EIF4G3: variants seen among roughly 807,000 people sequenced by gnomAD.
EIF4G3 encodes eukaryotic translation initiation factor 4 gamma 3, also known as eIF-4-gamma 3.
Under a neutral mutation model 186.4 loss-of-function variants are expected in EIF4G3, and 34 were observed. The ratio of observed to expected loss-of-function variants is 0.18; its 90% CI spans 0.14 to 0.24. EIF4G3 has a LOEUF of 0.24. Ranked by LOEUF, EIF4G3 falls within the 10% of genes least tolerant of loss-of-function variation. EIF4G3 has a pLI of 1.00. For synonymous variants in EIF4G3, 673 were observed against 679.5 expected (o/e 0.99, Z 0.15); for missense variants, 1,536 against 1,948.5 (o/e 0.79, Z 3.99).
At chr1:20,915,492 G>A (rs796736802) in intron 14 of EIF4G3, among the ~76,000 whole-genome samples, 7 of 150,664 alleles carry the variant, frequency 4.6e-5, no homozygotes, top group African/African-American at 1.7e-4. Context: ...TAAAATTTTA[G>A]CAAGTAAAAT....
Position 20,941,821 on chromosome 1 carries a change from T to A in EIF4G3, c.1333A>T (p.Ile445Phe). Reference sequence around the variant, plus strand: ...ATTTCTTCTGGGGGATTTTCGAGAATCTCCAATTCAAGAGTCAATGGCAAT... The same window carrying A: ...ATTTCTTCTGGGGGATTTTCGAGAAACTCCAATTCAAGAGTCAATGGCAAT... Reference protein sequence around the residue: ...EVLPLTLELEILENPPEEMKL... With the variant: ...EVLPLTLELEFLENPPEEMKL... Residue 445 changes from isoleucine (I) to phenylalanine (F), a missense_variant, in exon 14 of 37, where the codon ATT becomes TTT. Around this residue, in one of 11 missense-constraint regions of EIF4G3, gnomAD observed 560 missense variants for 547.8 expected, o/e 1.02. Transcript: ENST00000602326. 6.2e-7 allele frequency: 1 copy of A among 1,613,950 alleles called. No homozygotes were observed. The highest frequency in any genetic ancestry group is 8.5e-7 in the Non-Finnish European group (1 of 1,179,940).
intron 13 of EIF4G3, among the ~76,000 whole-genome samples, chr1:20,946,704 T>C (rs1186757908): frequency 6.6e-6 from 1 of 152,136 alleles, no homozygotes; most frequent in Non-Finnish European, 1.5e-5. Context: ...ATTTTACATA[T>C]GAGGAAACTG....
chr1:21,135,829 CTAA>C (rs1204302504), intron 2 of EIF4G3, among the ~76,000 whole-genome samples: 4 of 152,192 alleles, frequency 2.6e-5, no homozygotes, highest in African/African-American at 4.8e-5. Flanking sequence ...AGAAAGACTT[CTAA>C]TAATAAGTAT....
At position 20,860,439 on chromosome 1, in the gene EIF4G3, G is replaced by C; in HGVS notation, c.3190C>G (p.Gln1064Glu). 1.2e-6 allele frequency: 2 copies of C among 1,613,884 alleles called. No individual in the cohort carries two copies. The highest frequency in any genetic ancestry group is 8.5e-7 in the Non-Finnish European group (1 of 1,179,956). The change falls in exon 24 of 37, where the codon CAA becomes GAA. Residue 1064 changes from glutamine (Q) to glutamate (E), a missense_variant. This residue lies in a region of EIF4G3 where 110 missense variants were observed against 166.2 expected (regional missense o/e 0.66). Transcript: ENST00000602326. ...QIHKEAKIEEQEEQRKVQQLM... is the reference protein window; with the variant it reads ...QIHKEAKIEEEEEQRKVQQLM... ...TGCTGGACCTTCCTTTGCTCTTCTT[G>C]TTCTTCTATTTTAGCCTCTTTGTGA...
At chr1:21,138,872 C>A (rs1227409115) in intron 2 of EIF4G3, among the ~76,000 whole-genome samples, 3 of 152,114 alleles carry the variant, frequency 2.0e-5, no homozygotes, top group Non-Finnish European at 4.4e-5. Context: ...TATCATTGCC[C>A]ATTAATTTGG....
intron 19 of EIF4G3, among the ~76,000 whole-genome samples, chr1:20,885,274 G>A (rs374160997): frequency 1.3e-5 from 2 of 152,286 alleles, no homozygotes; most frequent in African/African-American, 4.8e-5. Flanking sequence ...GGACATCATC[G>A]TACTGAGCAC....
intron 12 of EIF4G3, among the ~76,000 whole-genome samples, chr1:20,955,749 T>G (rs2096394614): frequency 6.6e-6 from 1 of 151,936 alleles, no homozygotes; most frequent in African/African-American, 2.4e-5. Context: ...GTAGAGAGGG[T>G]ATCTATGAGG....
intron 18 of EIF4G3, 108 bp downstream of exon 18, chr1:20,893,408 CT>C (rs2086808554): frequency 8.3e-7 from 1 of 1,198,770 alleles, no homozygotes; most frequent in Non-Finnish European, 1.1e-6. Context: ...TCTTCTTCTT[CT>C]TCTTGACTAG....
At chr1:21,101,057 T>G (rs1428771951) in intron 2 of EIF4G3, among the ~76,000 whole-genome samples, 1 of 152,274 alleles carries the variant, frequency 6.6e-6, no homozygotes, top group East Asian at 1.9e-4. Flanking sequence ...AGACTGTCAA[T>G]ATACCTAAGG....
intron 4 of EIF4G3, among the ~76,000 whole-genome samples, chr1:21,008,285 C>A (rs1304881859): frequency 6.6e-6 from 1 of 152,014 alleles, no homozygotes; most frequent in Non-Finnish European, 1.5e-5. Context: ...GTGCTGTGGG[C>A]TATGTGCGTA....
intron 14 of EIF4G3, among the ~76,000 whole-genome samples, chr1:20,921,907 T>C (rs1320935380): frequency 6.6e-6 from 1 of 152,206 alleles, no homozygotes; most frequent in Non-Finnish European, 1.5e-5. Context: ...TTCACTATTC[T>C]TTCTCCAAAT....
At chr1:20,876,181 C>T (rs1317970665) in intron 20 of EIF4G3, among the ~76,000 whole-genome samples, 1 of 142,684 alleles carries the variant, frequency 7.0e-6, no homozygotes, top group Admixed American at 7.1e-5. Context: ...TGTGATCACA[C>T]CACTGTACTC....
chr1:20,966,530 G>C (rs997707184), intron 12 of EIF4G3, among the ~76,000 whole-genome samples: 5 of 150,542 alleles, frequency 3.3e-5, no homozygotes, highest in African/African-American at 1.2e-4. Context: ...CTGGAATGCA[G>C]TGGTGCTCTC....
At chr1:21,020,128 T>C (rs2090317099) in intron 4 of EIF4G3, among the ~76,000 whole-genome samples, 1 of 152,144 alleles carries the variant, frequency 6.6e-6, no homozygotes, top group African/African-American at 2.4e-5. Flanking sequence ...TTCTTACTTA[T>C]TCTTTGCAAC....
At chr1:21,081,956 T>C (rs1344107195) in intron 3 of EIF4G3, among the ~76,000 whole-genome samples, 1 of 151,538 alleles carries the variant, frequency 6.6e-6, no homozygotes, top group Non-Finnish European at 1.5e-5. Context: ...AACTTTTTTT[T>C]CTTAATTTTT....
At chr1:21,124,130 A>C (rs1475589023) in intron 2 of EIF4G3, among the ~76,000 whole-genome samples, 1 of 151,962 alleles carries the variant, frequency 6.6e-6, no homozygotes, top group African/African-American at 2.4e-5. Flanking sequence ...ATCTCTACTA[A>C]AAATACAAAA....
chr1:20,809,161 C>T (rs548392919), intron 36 of EIF4G3, among the ~76,000 whole-genome samples: 106 of 152,124 alleles, frequency 7.0e-4, no homozygotes, highest in African/African-American at 2.3e-3. Context: ...TTAGTAGAGA[C>T]GGGGTTTCAC....
rs371944709 is a variant in EIF4G3 at position 20,938,680 on chromosome 1, A to G, written c.1663+2811T>C. Reference sequence around the variant, plus strand: ...TGCAAATAAATTATAGTCATTAAGCATATGACCACGTCAGGTGGATATACT... The same window carrying G: ...TGCAAATAAATTATAGTCATTAAGCGTATGACCACGTCAGGTGGATATACT... On this transcript the variant is annotated intron_variant, in intron 14 of 36. Transcript: ENST00000602326. Among the ~76,000 whole-genome samples the G allele has an allele frequency of 2.5e-4, 38 of 152,390 alleles. 1 individual carries two copies. In the South Asian group the frequency reaches 7.9e-3, roughly 32 times the overall value.
intron 2 of EIF4G3, among the ~76,000 whole-genome samples, chr1:21,158,443 T>C (rs995741100): frequency 1.3e-5 from 2 of 152,094 alleles, no homozygotes; most frequent in East Asian, 3.9e-4. Context: ...CTCAAAGTGT[T>C]AGAATTACAG....
Sources: gnomAD v4.1 joint callset for allele counts (sites outside exome capture counted in the v4.1 genomes callset) on GRCh38, gnomAD v4.1.1 for gene constraint, gnomAD v4.1.1 regional missense constraint, MANE v1.5 for transcripts, NCBI Gene and HGNC (gene_info 2026-07-23, HGNC 2026-07-21) for gene names.